Variants in PTP4A2 observed in about 807,000 individuals in gnomAD.
The protein encoded by PTP4A2 is protein tyrosine phosphatase type IVA 2.
Under a neutral mutation model 22.9 loss-of-function variants are expected in PTP4A2, and 2 were observed. The ratio of observed to expected loss-of-function variants is 0.09; its 90% CI spans 0.04 to 0.27. The LOEUF (loss-of-function observed/expected upper bound fraction) is 0.27, where lower values mean the gene tolerates loss of function less well. PTP4A2 is among the 10% of genes least tolerant of loss of function. The pLI is 1.00. For missense variants in PTP4A2, 103 were observed against 205.1 expected, an observed-to-expected ratio of 0.50 and a Z score of 3.04; for synonymous variants, 68 against 69.1, an observed-to-expected ratio of 0.98 and a Z score of 0.08.
rs1557858884 is a variant in PTP4A2 at position 31,908,140 on chromosome 1, T to TATATATACA, written c.*711_*712insTGTATATAT. 1 of 424 alleles carries TATATATACA rather than the reference T, an allele frequency of 2.4e-3. No individual in the cohort carries two copies. The highest frequency in any genetic ancestry group is 0.011 in the African/African-American group (1 of 88). 0.0% of individuals were successfully genotyped at this position (424 alleles called of 1,614,324 possible). A position where few individuals can be genotyped will look rare whatever the true frequency, so the allele number is the denominator to read the frequency against. On this transcript the variant is annotated 3_prime_UTR_variant, in exon 6 of 6. Coordinates refer to ENST00000647444, the MANE Select transcript of PTP4A2 (RefSeq NM_080391.4). ...TATATATATATATATATATATTATATTATATATATATATATATATATATAT... is the reference window on the plus strand; with the variant it reads ...TATATATATATATATATATATTATATATATATACATATATATATATATATATATATATAT...
Position 31,907,689 on chromosome 1 carries a change from T to C in PTP4A2, c.*1163A>G, listed in dbSNP as rs1651253564. 1 of 152,160 alleles carries C rather than the reference T, an allele frequency of 6.6e-6. No individual in the cohort carries two copies. 9.4% of individuals were successfully genotyped at this position (152,160 alleles called of 1,614,324 possible). ...AAGCATTTCTCAAGTCGAAAATATG[T>C]GAATTTGCTGCTGCTCCTTTGACGG... is the stretch of plus-strand genomic sequence containing the variant. On this transcript the variant is annotated 3_prime_UTR_variant, in exon 6 of 6. Coordinates refer to ENST00000647444, the MANE Select transcript of PTP4A2 (RefSeq NM_080391.4).
At chr1:31,917,652 T>C (rs568028923) in intron 2 of PTP4A2, among the ~76,000 whole-genome samples, 1 of 152,230 alleles carries the variant, frequency 6.6e-6, no homozygotes, top group African/African-American at 2.4e-5. Flanking sequence ...GAAAAATCAT[T>C]TAAACTCAAC....
rs1379864950 is a variant in PTP4A2 at position 31,907,295 on chromosome 1, T to A, written c.*1557A>T. 1 of 152,090 alleles carries A rather than the reference T, an allele frequency of 6.6e-6. No homozygotes were observed. The highest frequency in any genetic ancestry group is 1.5e-5 in the Non-Finnish European group (1 of 68,038). The allele number at this position is 152,090 out of a possible 1,614,324, so 9.4% of individuals were successfully genotyped here. On this transcript the variant is annotated 3_prime_UTR_variant, in exon 6 of 6. Coordinates refer to ENST00000647444, the MANE Select transcript of PTP4A2 (RefSeq NM_080391.4). The stretch of plus-strand genomic sequence containing the variant: ...CTACTGAGTACGTAATATTTAGAGG[T>A]GAAAATAGTGCAAGAGCCCCTGATG...
intron 3 of PTP4A2, 23 bp from the exon 4 acceptor site, chr1:31,911,849 A>C (rs772360005): frequency 4.6e-6 from 7 of 1,538,340 alleles, no homozygotes; most frequent in Non-Finnish European, 6.1e-6. Context: ...GACCTTTTAC[A>C]TTAAATTGAT....
At chr1:31,916,830 C>A (rs1651873186) in intron 2 of PTP4A2, among the ~76,000 whole-genome samples, 1 of 152,062 alleles carries the variant, frequency 6.6e-6, no homozygotes. Flanking sequence ...TGAATACACA[C>A]AGATATATGC....
At chr1:31,932,670 A>C (rs966455297) in intron 1 of PTP4A2, 1 of 152,208 alleles carries the variant, frequency 6.6e-6, no homozygotes, top group Admixed American at 6.5e-5. Context: ...TCATTCTCTC[A>C]CCTAAGTCCT....
At chr1:31,926,135 TAAAAA>T (rs138462840) in intron 1 of PTP4A2, among the ~76,000 whole-genome samples, 1 of 120,576 alleles carries the variant, frequency 8.3e-6, no homozygotes, top group Admixed American at 8.2e-5. Context: ...TTCAAAAAAT[TAAAAA>T]AAAAAAAAAA....
Position 31,919,509 on chromosome 1 carries a change from G to C in PTP4A2, c.-444C>G, listed in dbSNP as rs903115680. The C allele has an allele frequency of 2.6e-5, 4 of 152,992 alleles. No homozygotes were observed. Among genetic ancestry groups the C allele is most frequent in the African/African-American group, 9.7e-5 (4 of 41,248 alleles). 9.5% of individuals were successfully genotyped at this position (152,992 alleles called of 1,614,324 possible). On this transcript the variant is annotated 5_prime_UTR_variant, in exon 2 of 6. Transcript: ENST00000647444. Reference sequence around the variant, plus strand: ...GCCAACTATTTCTGAGGCCAGTCTCGGTGTCCAGGAGTCTTCAAGGCAATG... The same window carrying C: ...GCCAACTATTTCTGAGGCCAGTCTCCGTGTCCAGGAGTCTTCAAGGCAATG...
rs1281165571 is a variant in PTP4A2, at chr1:31,908,366, G to A, written c.*486C>T. The A allele has an allele frequency of 4.8e-5, 7 of 145,544 alleles. No individual in the cohort carries two copies. Among genetic ancestry groups the A allele is most frequent in the African/African-American group, 1.8e-4 (7 of 39,136 alleles). The allele number at this position is 145,544 out of a possible 1,614,324, so 9.0% of individuals were successfully genotyped here. A position where few individuals can be genotyped will look rare whatever the true frequency, so the allele number is the denominator to read the frequency against. ...CGGGGGAAAAGGGAGATGTAGGAGA[G>A]GAAGGAAAAAAGAGGGGAAAAATAT... On this transcript the variant is annotated 3_prime_UTR_variant, in exon 6 of 6. Coordinates refer to ENST00000647444, the MANE Select transcript of PTP4A2 (RefSeq NM_080391.4).
Position 31,908,203 on chromosome 1 carries a change from T to TTC in PTP4A2, c.*648_*649insGA, listed in dbSNP as rs1482778781. The TTC allele has an allele frequency of 2.5e-5, 2 of 78,504 alleles. No homozygotes were observed. The highest frequency in any genetic ancestry group is 9.7e-5 in the African/African-American group (2 of 20,610). 4.9% of individuals were successfully genotyped at this position (78,504 alleles called of 1,614,324 possible). A position where few individuals can be genotyped will look rare whatever the true frequency, so the allele number is the denominator to read the frequency against. Reference sequence around the variant, plus strand: ...ATATATATATATATATATATATATATATATCACTGCTGTTTTTTTGGTGTT... The same window carrying TTC: ...ATATATATATATATATATATATATATTCATATCACTGCTGTTTTTTTGGTGTT... On this transcript the variant is annotated 3_prime_UTR_variant, in exon 6 of 6. Coordinates refer to ENST00000647444, the MANE Select transcript of PTP4A2 (RefSeq NM_080391.4).
At chr1:31,928,257 CAATAT>C (rs1457489756) in intron 1 of PTP4A2, among the ~76,000 whole-genome samples, 1 of 146,566 alleles carries the variant, frequency 6.8e-6, no homozygotes, top group South Asian at 2.1e-4. Flanking sequence ...TAATTATATA[CAATAT>C]AATATTAATA....
intron 1 of PTP4A2, among the ~76,000 whole-genome samples, chr1:31,926,246 A>AT (rs988255421): frequency 2.0e-5 from 3 of 151,312 alleles, no homozygotes; most frequent in Non-Finnish European, 2.9e-5. Flanking sequence ...AAATGATACA[A>AT]TAAACCCTCT....
chr1:31,910,158 A>G (rs1440089611), intron 4 of PTP4A2, 46 bp from the exon 5 acceptor site: 1 of 1,499,754 alleles, frequency 6.7e-7, no homozygotes, highest in African/African-American at 1.4e-5. Flanking sequence ...TCTTGGAGTG[A>G]AAGGATTTTT....
chr1:31,937,116 C>T (rs1240483597), intron 1 of PTP4A2, among the ~76,000 whole-genome samples: 1 of 152,068 alleles, frequency 6.6e-6, no homozygotes, highest in Non-Finnish European at 1.5e-5. Flanking sequence ...TTTTGGGCAA[C>T]AGACAAACTT....
intron 3 of PTP4A2, chr1:31,914,568 T>C (rs1349169305): frequency 3.1e-5 from 6 of 195,840 alleles, no homozygotes; most frequent in South Asian, 6.6e-5. Flanking sequence ...AACATAACCT[T>C]AAACCAGTAT....
intron 1 of PTP4A2, among the ~76,000 whole-genome samples, chr1:31,930,719 C>A (rs986551550): frequency 2.0e-5 from 3 of 152,116 alleles, no homozygotes; most frequent in Non-Finnish European, 4.4e-5. Flanking sequence ...AGTCAAGAAT[C>A]CAAATCATTC....
chr1:31,928,513 A>G (rs570609295), intron 1 of PTP4A2, among the ~76,000 whole-genome samples: 29 of 151,876 alleles, frequency 1.9e-4, no homozygotes, highest in Admixed American at 2.0e-4. Context: ...CAGCCTGGCC[A>G]ACATGGCAAA....
chr1:31,923,384 G>A (rs1484256272), intron 1 of PTP4A2, among the ~76,000 whole-genome samples: 2 of 145,082 alleles, frequency 1.4e-5, no homozygotes, highest in African/African-American at 5.2e-5. Flanking sequence ...GCCCAGGCTG[G>A]AGTGCAGTGG....
At chr1:31,923,329 CTTTTTTTTTTTTTTT>C (rs894382854) in intron 1 of PTP4A2, among the ~76,000 whole-genome samples, 1 of 113,972 alleles carries the variant, frequency 8.8e-6, no homozygotes, top group African/African-American at 3.4e-5. Flanking sequence ...GCCTCAACCT[CTTTTTTTTTTTTTTT>C]TTTTTTTTGA....
Sources: gnomAD v4.1 joint callset for allele counts (sites outside exome capture counted in the v4.1 genomes callset) on GRCh38, gnomAD v4.1.1 for gene constraint, MANE v1.5 for transcripts, NCBI Gene and HGNC (gene_info 2026-07-23, HGNC 2026-07-21) for gene names.